The following HEY2 variants were observed in gnomAD, a reference collection of about 807,000 sequenced individuals.
The protein encoded by HEY2 is hairy/enhancer-of-split related with YRPW motif protein 2.
A neutral mutation model predicts 18.1 loss-of-function variants in HEY2; 10 were observed. The observed-to-expected ratio is 0.55, with a 90% CI of 0.34 to 0.94. HEY2 has a LOEUF of 0.94. Among genes scored for constraint, HEY2 ranks in the 40% least tolerant of loss-of-function variants. The pLI, the probability that HEY2 is intolerant of heterozygous loss-of-function variation, is 0.02. For missense variants in HEY2, 455 were observed against 455.9 expected, an observed-to-expected ratio of 1.00 and a Z score of 0.02; for synonymous variants, 210 against 182.7, an observed-to-expected ratio of 1.15 and a Z score of -1.21.
intron 4 of HEY2, among the ~76,000 whole-genome samples, chr6:125,755,293 G>A (rs1397125646): frequency 6.6e-6 from 1 of 152,202 alleles, no homozygotes; most frequent in East Asian, 1.9e-4. Context: ...TGAGATCCTA[G>A]TTCACTCAGA....
At position 125,759,470 on chromosome 6, in the gene HEY2, A is replaced by G. The variant is rs139750401; in HGVS notation, c.682A>G (p.Thr228Ala). The G allele has an allele frequency of 3.4e-4, 545 of 1,611,232 alleles. 2 individuals carry two copies. The highest frequency in any genetic ancestry group is 3.3e-3 in the Middle Eastern group (20 of 6,062). Residue 228 changes from threonine to alanine, a missense_variant, in exon 5 of 5, where the codon ACG becomes GCG. Coordinates refer to ENST00000368364, the MANE Select transcript of HEY2 (RefSeq NM_012259.3). Reference protein sequence around the residue: ...VPPAHGSALLTATFAHADSAL... With the variant: ...VPPAHGSALLAATFAHADSAL... ...TCCTGCCCACGGCTCTGCTCTCCTC[A>G]CGGCCACGTTTGCCCATGCGGATTC...
chr6:125,759,675 C>T lies in HEY2; in HGVS notation c.887C>T (p.Ala296Val), dbSNP rs1403861983. The change falls in exon 5 of 5, where the codon GCA (alanine) becomes GTA (valine). Residue 296 changes from alanine (A) to valine (V), a missense_variant. Coordinates refer to ENST00000368364, the MANE Select transcript of HEY2 (RefSeq NM_012259.3). ...ATGCTTCCCCCAAACGCAGCAGCAG[C>T]AGTGGCCGCGGCCACAGCCATCAGC... ...FPMLPPNAAA[A>V]VAAATAISPP... 6.2e-7 allele frequency: 1 copy of T among 1,612,338 alleles called. No individual in the cohort carries two copies. The highest frequency in any genetic ancestry group is 8.5e-7 in the Non-Finnish European group (1 of 1,179,982).
Position 125,759,684 on chromosome 6 carries a change from C to G in HEY2, c.896C>G (p.Ala299Gly), listed in dbSNP as rs138413872. Residue 299 changes from alanine to glycine, a missense_variant, in exon 5 of 5, where the codon GCG (alanine) becomes GGG (glycine). Coordinates refer to ENST00000368364, the MANE Select transcript of HEY2 (RefSeq NM_012259.3). Reference protein sequence around the residue: ...LPPNAAAAVAAATAISPPLSV... With the variant: ...LPPNAAAAVAGATAISPPLSV... ...CCAAACGCAGCAGCAGCAGTGGCCG[C>G]GGCCACAGCCATCAGCCCGCCCTTG... is the stretch of plus-strand genomic sequence containing the variant. 659 of 1,612,446 alleles carry G rather than the reference C, an allele frequency of 4.1e-4. No homozygotes were observed. The highest frequency in any genetic ancestry group is 4.9e-4 in the Non-Finnish European group (573 of 1,180,016).
intron 1 of HEY2, chr6:125,750,282 T>C: frequency 2.0e-6 from 2 of 985,264 alleles, no homozygotes; most frequent in Non-Finnish European, 2.4e-6. Context: ...CACAACTTGA[T>C]TTTTGGAGGA....
chr6:125,749,788 C>T lies in HEY2; in HGVS notation c.12C>T (p.Pro4=), dbSNP rs979154815. The T allele has an allele frequency of 6.3e-7, 1 of 1,577,818 alleles. No individual in the cohort carries two copies. Among genetic ancestry groups the T allele is most frequent in the African/African-American group, 1.4e-5 (1 of 73,820 alleles). ...CGGTCTTCGCCGGGATGAAGCGCCCCTGCGAGGAGACGACCTCCGAGAGCG... is the reference window on the plus strand; with the variant it reads ...CGGTCTTCGCCGGGATGAAGCGCCCTTGCGAGGAGACGACCTCCGAGAGCG... The part of the protein sequence containing the change: MKR[P]CEETTSESDM... Residue 4 remains proline (P), a synonymous_variant, in exon 1 of 5, where the codon CCC becomes CCT. Transcript: ENST00000368364.
rs1773744444 is a variant in HEY2 at position 125,759,482 on chromosome 6, G to C, written c.694G>C (p.Ala232Pro). 6.2e-7 allele frequency: 1 copy of C among 1,611,300 alleles called. No homozygotes were observed. Among genetic ancestry groups the C allele is most frequent in the African/African-American group, 1.3e-5 (1 of 74,922 alleles). ...CTCTGCTCTCCTCACGGCCACGTTTGCCCATGCGGATTCAGCCCTCCGAAT... is the reference window on the plus strand; with the variant it reads ...CTCTGCTCTCCTCACGGCCACGTTTCCCCATGCGGATTCAGCCCTCCGAAT... ...HGSALLTATF[A>P]HADSALRMPS... The change falls in exon 5 of 5, where the codon GCC (alanine) becomes CCC (proline). Residue 232 changes from alanine (A) to proline (P), a missense_variant. Ala to Pro is a conservative substitution (Grantham distance 27, BLOSUM62 -1). Coordinates refer to ENST00000368364, the MANE Select transcript of HEY2 (RefSeq NM_012259.3).
rs530112277 is a variant in HEY2, at chr6:125,751,730, G to A, written c.84-71G>A. On this transcript the variant is annotated intron_variant, in intron 1 of 4. Transcript: ENST00000368364. ...TGCAATCACTCTGAATATTTAATGG[G>A]TGCCACAAGTACCCAGAAGAAACTA... The A allele has an allele frequency of 2.5e-5, 24 of 954,088 alleles. No individual in the cohort carries two copies. In the African/African-American group the frequency reaches 3.3e-4, roughly 13 times the overall value. 59.1% of individuals were successfully genotyped at this position (954,088 alleles called of 1,614,324 possible).
At chr6:125,757,073 C>T (rs184383192) in intron 4 of HEY2, among the ~76,000 whole-genome samples, 6 of 152,268 alleles carry the variant, frequency 3.9e-5, no homozygotes, top group Admixed American at 2.6e-4. Context: ...AATGAAAATT[C>T]TTAGAAGCTC....
In HEY2 at chr6:125,754,556, T is replaced by A. The variant is rs751124003; in HGVS notation, c.328+10T>A. On this transcript the variant is annotated intron_variant, in intron 4 of 4. Transcript: ENST00000368364. ...GCAACAGGGGGTAAAGGTAAGTAGA[T>A]GACTTCATTTTTTTTTTTTTTTGCC... 3.4e-6 allele frequency: 5 copies of A among 1,480,218 alleles called. No homozygotes were observed. The highest frequency in any genetic ancestry group is 4.7e-5 in the East Asian group (2 of 42,982). The allele number at this position is 1,480,218 out of a possible 1,614,324, so 91.7% of individuals were successfully genotyped here. A position where few individuals can be genotyped will look rare whatever the true frequency, so the allele number is the denominator to read the frequency against.
intron 4 of HEY2, 119 bp from the exon 5 acceptor site, chr6:125,758,998 G>C (rs1383212174): frequency 1.5e-6 from 1 of 686,756 alleles, no homozygotes; most frequent in South Asian, 2.1e-5. Context: ...TTCCACTTCA[G>C]TCTTCTGAAG....
At position 125,759,972 on chromosome 6, in the gene HEY2, TTC is replaced by T. The variant is rs1491566195; in HGVS notation, c.*175_*176del. 1.2e-5 allele frequency: 8 copies of T among 647,990 alleles called. No individual in the cohort carries two copies. The African/African-American group carries it at 1.5e-4, about 12-fold the overall frequency. 40.1% of individuals were successfully genotyped at this position (647,990 alleles called of 1,614,324 possible). On this transcript the variant is annotated 3_prime_UTR_variant, in exon 5 of 5. Transcript: ENST00000368364. ...GTGGAAATGTGGTATTCTCTTTTTT[TTC>T]TCTCCCTTTTTTGTTTGGTTCAAGG...
chr6:125,750,219 G>C, intron 1 of HEY2: 7 of 982,870 alleles, frequency 7.1e-6, no homozygotes, highest in Non-Finnish European at 7.2e-6. Flanking sequence ...TTTCAAAATA[G>C]ATCAGGAGAA....
In HEY2 at chr6:125,759,225, C is replaced by T; in HGVS notation, c.437C>T (p.Ser146Leu). The change falls in exon 5 of 5, where the codon TCG becomes TTG. Residue 146 changes from serine (S) to leucine (L), a missense_variant. Coordinates refer to ENST00000368364, the MANE Select transcript of HEY2 (RefSeq NM_012259.3). Reference sequence around the variant, plus strand: ...AGCTCCGTGGAAGGCCTGGACTCCTCGGATCCGCTGCGGGTGCGGCTTGTG... The same window carrying T: ...AGCTCCGTGGAAGGCCTGGACTCCTTGGATCCGCTGCGGGTGCGGCTTGTG... ...YLSSVEGLDS[S>L]DPLRVRLVSH... 3 of 1,612,484 alleles carry T rather than the reference C, an allele frequency of 1.9e-6. No homozygotes were observed. The highest frequency in any genetic ancestry group is 1.7e-5 in the Admixed American group (1 of 60,032).
intron 4 of HEY2, 126 bp downstream of exon 4, chr6:125,754,672 C>A: frequency 4.3e-6 from 2 of 466,280 alleles, no homozygotes. Context: ...ATAGGAGGCC[C>A]CAGATTAAAG....
intron 4 of HEY2, among the ~76,000 whole-genome samples, chr6:125,756,370 C>G (rs1773656855): frequency 6.6e-6 from 1 of 151,978 alleles, no homozygotes; most frequent in Non-Finnish European, 1.5e-5. Context: ...GAGTTTCAGA[C>G]CAGCCTGACC....
At chr6:125,754,438 T>G in intron 3 of HEY2, 27 bp from the exon 4 acceptor site, 1 of 1,228,842 alleles carries the variant, frequency 8.1e-7, no homozygotes, top group Non-Finnish European at 1.1e-6. Context: ...GACATAGGAT[T>G]ATTTATTTAT....
At position 125,749,803 on chromosome 6, in the gene HEY2, C is replaced by G. The variant is rs1257008401; in HGVS notation, c.27C>G (p.Thr9=). The change falls in exon 1 of 5, where the codon ACC becomes ACG. Residue 9 remains threonine (T), a synonymous_variant. Transcript: ENST00000368364. The stretch of plus-strand genomic sequence containing the variant: ...TGAAGCGCCCCTGCGAGGAGACGAC[C>G]TCCGAGAGCGACATGGACGAGACCA... MKRPCEET[T]SESDMDETID... The G allele has an allele frequency of 6.3e-7, 1 of 1,583,922 alleles. No homozygotes were observed. The highest frequency in any genetic ancestry group is 1.8e-5 in the Admixed American group (1 of 56,270).
At chr6:125,758,254 C>T (rs1350520103) in intron 4 of HEY2, among the ~76,000 whole-genome samples, 1 of 152,162 alleles carries the variant, frequency 6.6e-6, no homozygotes, top group Admixed American at 6.5e-5. Context: ...TGTGACCAAG[C>T]TCTAGCCATT....
At position 125,754,616 on chromosome 6, in the gene HEY2, A is replaced by G. The variant is rs569703468; in HGVS notation, c.328+70A>G. On this transcript the variant is annotated intron_variant, in intron 4 of 4. Coordinates refer to ENST00000368364, the MANE Select transcript of HEY2 (RefSeq NM_012259.3). Reference sequence around the variant, plus strand: ...TTTCTCTTTTCATGTTATTCCCCCTAATATTGTAAGGAAGTCATAGCTGAA... The same window carrying G: ...TTTCTCTTTTCATGTTATTCCCCCTGATATTGTAAGGAAGTCATAGCTGAA... 13 of 797,552 alleles carry G rather than the reference A, an allele frequency of 1.6e-5. No individual in the cohort carries two copies. The South Asian group carries it at 2.7e-4, about 17-fold the overall frequency. The allele number at this position is 797,552 out of a possible 1,614,324, so 49.4% of individuals were successfully genotyped here. A position where few individuals can be genotyped will look rare whatever the true frequency, so the allele number is the denominator to read the frequency against.
Sources: allele counts gnomAD v4.1 joint callset (sites outside exome capture counted in the v4.1 genomes callset), GRCh38; gene constraint gnomAD v4.1.1; transcripts MANE v1.5; gene names NCBI Gene and HGNC (gene_info 2026-07-23, HGNC 2026-07-21).